Variants in RPL6 observed in about 807,000 individuals in gnomAD.
RPL6 encodes large ribosomal subunit protein eL6.
A neutral mutation model predicts 32.1 loss-of-function variants in RPL6; 1 was observed. The observed-to-expected ratio is 0.03, with a 90% confidence interval of 0.01 to 0.15. The LOEUF (loss-of-function observed/expected upper bound fraction) is 0.15, where lower values mean the gene tolerates loss of function less well. RPL6 is among the 10% of genes least tolerant of loss of function. The pLI is 1.00. For synonymous variants in RPL6, 126 were observed against 131.6 expected (o/e 0.96, Z 0.29); for missense variants, 275 against 354.6 (o/e 0.78, Z 1.80).
intron 1 of RPL6, among the ~76,000 whole-genome samples, chr12:112,417,111 G>A (rs940562467): frequency 2.6e-5 from 4 of 152,032 alleles, no homozygotes; most frequent in African/African-American, 4.8e-5. Context: ...AGGCTGGAGC[G>A]CAGTGGTGCA....
At chr12:112,407,964 C>CT (rs2037225974) in intron 3 of RPL6, 1 of 384,186 alleles carries the variant, frequency 2.6e-6, no homozygotes, top group Non-Finnish European at 4.8e-6. Flanking sequence ...AGGTGATCTG[C>CT]TCGCCTCAGC....
At chr12:112,414,616 AT>A (rs1297599108), upstream of RPL6, among the ~76,000 whole-genome samples, 4 of 152,288 alleles carry the variant, frequency 2.6e-5, no homozygotes, top group African/African-American at 9.6e-5. Flanking sequence ...CAAGAACTTA[AT>A]TGGCAGCCAG....
chr12:112,407,754 C>T (rs1417584002), intron 3 of RPL6: 1 of 159,566 alleles, frequency 6.3e-6, no homozygotes, highest in African/African-American at 2.4e-5. Flanking sequence ...CCCATCTTAT[C>T]TTTTTTTGAG....
chr12:112,407,890 G>A (rs546129253), intron 3 of RPL6: 8 of 214,132 alleles, frequency 3.7e-5, no homozygotes, highest in African/African-American at 9.4e-5. Context: ...CAGCTAATTT[G>A]TATATTTTTA....
intron 1 of RPL6, among the ~76,000 whole-genome samples, chr12:112,416,437 C>T (rs1361884694): frequency 1.3e-5 from 2 of 151,822 alleles, no homozygotes; most frequent in African/African-American, 4.8e-5. Flanking sequence ...CCGCGCCCAG[C>T]CCTAAATTTT....
At chr12:112,413,348 A>C (rs1256930462), upstream of RPL6, among the ~76,000 whole-genome samples, 3 of 152,102 alleles carry the variant, frequency 2.0e-5, no homozygotes, top group Non-Finnish European at 4.4e-5. Context: ...CATCCTGGCT[A>C]ACACGGCGAA....
rs2037168099 is a variant in RPL6, at chr12:112,406,309, A to G, written c.514T>C (p.Leu172=). 5.0e-6 allele frequency: 8 copies of G among 1,613,354 alleles called. No homozygotes were observed. In the East Asian group the frequency reaches 1.8e-4, roughly 36 times the overall value. Residue 172 remains leucine (L), a synonymous_variant, in exon 5 of 7, where the codon TTA becomes CTA. Transcript: ENST00000202773. ...VVFLKQLASG[L]LLVTGPLVLN... The stretch of plus-strand genomic sequence containing the variant: ...ATTTTCTTACCAGTCACAAGTAATA[A>G]GCCACTAGCCAGCTGCTTCAGGAAA...
At position 112,408,370 on chromosome 12, in the gene RPL6, G is replaced by A. The variant is rs566785270; in HGVS notation, c.238-32C>T. On this transcript the variant is annotated intron_variant, in intron 2 of 6. Coordinates refer to ENST00000202773, the MANE Select transcript of RPL6 (RefSeq NM_000970.6). ...GGACACAAATGCATCAACAGTAAGA[G>A]AATGCCAATTAAGGTTAAGACATAA... 2.3e-5 allele frequency: 37 copies of A among 1,612,936 alleles called. No individual in the cohort carries two copies. In the African/African-American group the frequency reaches 3.2e-4, roughly 14 times the overall value.
chr12:112,413,618 A>C (rs574502260), upstream of RPL6, among the ~76,000 whole-genome samples: 13 of 152,088 alleles, frequency 8.5e-5, no homozygotes, highest in East Asian at 2.5e-3. Context: ...TGTTTTTGCT[A>C]TGTTGCCCAG....
At chr12:112,413,747 C>T (rs929887887), upstream of RPL6, among the ~76,000 whole-genome samples, 1 of 151,568 alleles carries the variant, frequency 6.6e-6, no homozygotes, top group Non-Finnish European at 1.5e-5. Context: ...GAAGACCGGC[C>T]GGACATGGTA....
chr12:112,406,995 T>C (rs1357145763), intron 3 of RPL6, 105 bp from the exon 4 acceptor site: 5 of 1,101,226 alleles, frequency 4.5e-6, no homozygotes, highest in Middle Eastern at 2.1e-4. Context: ...TTTTAAAGTA[T>C]AATACTGTAT....
In RPL6 at chr12:112,406,314, C is replaced by T; in HGVS notation, c.509G>A (p.Ser170Asn). 1 of 1,613,716 alleles carries T rather than the reference C, an allele frequency of 6.2e-7. No homozygotes were observed. The highest frequency in any genetic ancestry group is 8.5e-7 in the Non-Finnish European group (1 of 1,179,672). Residue 170 changes from serine (S) to asparagine (N), a missense_variant, in exon 5 of 7, where the codon AGT (serine) becomes AAT (asparagine). By Grantham distance (46) the Ser-to-Asn change is conservative. Transcript: ENST00000202773. ...KRVVFLKQLA[S>N]GLLLVTGPLV... is the part of the protein sequence containing the mutation. ...CTTACCAGTCACAAGTAATAAGCCA[C>T]TAGCCAGCTGCTTCAGGAAAACCAC... is the stretch of plus-strand genomic sequence containing the variant.
intron 5 of RPL6, 124 bp from the exon 6 acceptor site, chr12:112,406,161 A>C: frequency 8.3e-7 from 1 of 1,201,306 alleles, no homozygotes; most frequent in South Asian, 1.4e-5. Flanking sequence ...CTTGCACACA[A>C]GGCAATGAAA....
At chr12:112,406,245 T>C (rs1369462100) in intron 5 of RPL6, 49 bp downstream of exon 5, 2 of 1,526,044 alleles carry the variant, frequency 1.3e-6, no homozygotes, top group Admixed American at 3.4e-5. Context: ...ACTGCAAGCA[T>C]TTAAAAATGG....
At chr12:112,415,309 C>T (rs908791985), upstream of RPL6, among the ~76,000 whole-genome samples, 1 of 152,192 alleles carries the variant, frequency 6.6e-6, no homozygotes, top group African/African-American at 2.4e-5. Context: ...TGGCTCACGC[C>T]TGTAAATCCA....
chr12:112,407,192 A>T (rs61941342), intron 3 of RPL6: 2,787 of 262,344 alleles, frequency 0.011, 27 homozygotes, highest in Non-Finnish European at 0.016. Flanking sequence ...CACGTGTGAC[A>T]TGCCACATTT....
rs567997124 is a variant in RPL6 at position 112,405,802 on chromosome 12, C to G, written c.714+51G>C. On this transcript the variant is annotated intron_variant, in intron 6 of 6. Coordinates refer to ENST00000202773, the MANE Select transcript of RPL6 (RefSeq NM_000970.6). ...TTTGTGCAACCTGTTTCTTTTCACT[C>G]CCAGGTAGAAGGGCCAGTGCTAACA... The G allele has an allele frequency of 1.9e-5, 28 of 1,444,074 alleles. No homozygotes were observed. In the African/African-American group the frequency reaches 3.4e-4, roughly 18 times the overall value. 89.5% of individuals were successfully genotyped at this position (1,444,074 alleles called of 1,614,324 possible).
At chr12:112,409,287 C>T (rs932923095) in intron 1 of RPL6, 5 of 390,888 alleles carry the variant, frequency 1.3e-5, no homozygotes, top group African/African-American at 4.1e-5. Context: ...ACACAGTGCA[C>T]GCGCCGTCTC....
chr12:112,409,449 G>A (rs2037292762), intron 1 of RPL6, 138 bp downstream of exon 1: 1 of 398,658 alleles, frequency 2.5e-6, no homozygotes, highest in East Asian at 3.6e-5. Context: ...CAACAAAAAT[G>A]AAGCGTCTGG....
Sources: allele counts gnomAD v4.1 joint callset (sites outside exome capture counted in the v4.1 genomes callset), GRCh38; gene constraint gnomAD v4.1.1; transcripts MANE v1.5; gene names NCBI Gene and HGNC (gene_info 2026-07-23, HGNC 2026-07-21).